Variants in SLC4A10 observed in about 807,000 individuals in gnomAD.
SLC4A10 encodes sodium-driven chloride bicarbonate exchanger.
SLC4A10 carries 42 observed loss-of-function variants against 137.7 expected under a neutral mutation model. The observed-to-expected ratio is 0.30, with a 90% CI of 0.24 to 0.39. The LOEUF (loss-of-function observed/expected upper bound fraction) is 0.39, where lower values mean the gene tolerates loss of function less well. Among genes scored for constraint, SLC4A10 ranks in the 10% least tolerant of loss-of-function variants. SLC4A10 has a pLI of 1.00. For synonymous variants in SLC4A10, 474 were observed against 464.1 expected (o/e 1.02, Z -0.27); for missense variants, 925 against 1,355.0 (o/e 0.68, Z 4.98).
intron 1 of SLC4A10, among the ~76,000 whole-genome samples, chr2:161,720,824 C>CT (rs375436761): frequency 0.081 from 11,733 of 145,044 alleles, 477 homozygotes; most frequent in East Asian, 0.14. Flanking sequence ...AGTCTTGACT[C>CT]TTTTTTTTTT....
At chr2:161,686,815 G>A (rs1308866913) in intron 1 of SLC4A10, among the ~76,000 whole-genome samples, 5 of 151,924 alleles carry the variant, frequency 3.3e-5, no homozygotes, top group Admixed American at 6.6e-5. Context: ...TGGTTAGTCC[G>A]TAGGCAGAGC....
intron 3 of SLC4A10, among the ~76,000 whole-genome samples, chr2:161,818,457 A>T (rs189551420): frequency 0.022 from 3,341 of 152,200 alleles, 124 homozygotes; most frequent in African/African-American, 0.075. Context: ...TTCCTAATTG[A>T]ATGCCCTTTA....
intron 3 of SLC4A10, among the ~76,000 whole-genome samples, chr2:161,828,772 A>ATATG: frequency 1.9e-5 from 1 of 52,634 alleles, no homozygotes; most frequent in East Asian, 6.0e-4. Flanking sequence ...TAATTCATAT[A>ATATG]TATATATATA....
chr2:161,904,772 A>G lies in SLC4A10; in HGVS notation c.1618-4A>G, dbSNP rs1389883408. The G allele has an allele frequency of 1.2e-6, 2 of 1,613,906 alleles. No individual in the cohort carries two copies. Among genetic ancestry groups the G allele is most frequent in the Admixed American group, 1.7e-5 (1 of 60,018 alleles). ...GTAATTGAACCATTTATATCTCTAC[A>G]CAGAGTGCAATTGAATCTCTCTTTG... On this transcript the variant is annotated splice_region_variant and splice_polypyrimidine_tract_variant and intron_variant, in intron 13 of 26. Coordinates refer to ENST00000446997, the MANE Select transcript of SLC4A10 (RefSeq NM_001178015.2).
intron 1 of SLC4A10, among the ~76,000 whole-genome samples, chr2:161,656,742 G>A (rs1464338891): frequency 6.6e-6 from 1 of 152,018 alleles, no homozygotes; most frequent in Non-Finnish European, 1.5e-5. Flanking sequence ...ATTGAACTTA[G>A]GCCTGAGAAT....
chr2:161,824,108 C>A (rs1212019890), intron 3 of SLC4A10, among the ~76,000 whole-genome samples: 5 of 152,186 alleles, frequency 3.3e-5, no homozygotes, highest in Non-Finnish European at 7.3e-5. Flanking sequence ...CAATGTTGGA[C>A]AATGCCTCTG....
At chr2:161,705,444 G>C (rs2043554041) in intron 1 of SLC4A10, among the ~76,000 whole-genome samples, 1 of 151,574 alleles carries the variant, frequency 6.6e-6, no homozygotes, top group Non-Finnish European at 1.5e-5. Context: ...TTTTTAAGAT[G>C]CTCATCTTTT....
At chr2:161,808,738 G>A (rs2056257274) in intron 3 of SLC4A10, among the ~76,000 whole-genome samples, 1 of 152,070 alleles carries the variant, frequency 6.6e-6, no homozygotes, top group Non-Finnish European at 1.5e-5. Context: ...TGCTGCAAAA[G>A]GATATGATGT....
chr2:161,630,519 T>C (rs1447353384), intron 1 of SLC4A10, among the ~76,000 whole-genome samples: 3 of 151,714 alleles, frequency 2.0e-5, no homozygotes, highest in Non-Finnish European at 4.4e-5. Flanking sequence ...TTACGGATGA[T>C]GGAACTGGAC....
intron 1 of SLC4A10, among the ~76,000 whole-genome samples, chr2:161,631,219 G>A (rs1472985705): frequency 5.3e-5 from 8 of 151,572 alleles, no homozygotes; most frequent in East Asian, 3.9e-4. Context: ...ATTACGTGGC[G>A]GTGATGGTTA....
intron 15 of SLC4A10, among the ~76,000 whole-genome samples, chr2:161,933,183 T>TTTCTTTCTTTC (rs1553631410): frequency 1.0e-5 from 1 of 97,620 alleles, no homozygotes; most frequent in Non-Finnish European, 2.1e-5. Flanking sequence ...CCCTTCCTTC[T>TTTCTTTCTTTC]TTTCTTTCTT....
chr2:161,883,190 G>T (rs2061947567), intron 10 of SLC4A10, among the ~76,000 whole-genome samples: 1 of 151,994 alleles, frequency 6.6e-6, no homozygotes, highest in Non-Finnish European at 1.5e-5. Flanking sequence ...CACAGAAGGG[G>T]CATTAAATCA....
chr2:161,625,729 T>C (rs2032206702), intron 1 of SLC4A10, among the ~76,000 whole-genome samples: 1 of 152,058 alleles, frequency 6.6e-6, no homozygotes, highest in Admixed American at 6.6e-5. Flanking sequence ...GATTCCAGTT[T>C]GCATCCCCGG....
At chr2:161,775,106 T>C (rs1487028780) in intron 2 of SLC4A10, among the ~76,000 whole-genome samples, 2 of 151,862 alleles carry the variant, frequency 1.3e-5, no homozygotes, top group Non-Finnish European at 2.9e-5. Flanking sequence ...TCTGCCGCTT[T>C]TAAAGGCCTA....
chr2:161,776,214 A>G (rs1000209264), intron 2 of SLC4A10, among the ~76,000 whole-genome samples: 1 of 151,928 alleles, frequency 6.6e-6, no homozygotes, highest in Non-Finnish European at 1.5e-5. Context: ...AAACTCTGCC[A>G]TTCCCCCTCA....
At chr2:161,782,755 T>A (rs1056356808) in intron 2 of SLC4A10, among the ~76,000 whole-genome samples, 2 of 146,192 alleles carry the variant, frequency 1.4e-5, no homozygotes, top group Non-Finnish European at 3.0e-5. Flanking sequence ...AAAGAAAGAA[T>A]CAGTGAACTT....
intron 15 of SLC4A10, among the ~76,000 whole-genome samples, chr2:161,909,982 G>GGT (rs1260034992): frequency 6.6e-6 from 1 of 151,952 alleles, no homozygotes; most frequent in Middle Eastern, 3.2e-3. Flanking sequence ...TTTATTATAA[G>GGT]GTACTATGCA....
intron 15 of SLC4A10, among the ~76,000 whole-genome samples, chr2:161,939,195 G>A (rs1474255934): frequency 6.6e-6 from 1 of 152,066 alleles, no homozygotes; most frequent in African/African-American, 2.4e-5. Flanking sequence ...TCCTGCCTCA[G>A]CCTCCTCAGT....
At chr2:161,646,458 T>C (rs1283563208) in intron 1 of SLC4A10, among the ~76,000 whole-genome samples, 3 of 152,034 alleles carry the variant, frequency 2.0e-5, no homozygotes, top group Non-Finnish European at 4.4e-5. Flanking sequence ...GTTTGAATTA[T>C]GCATCACAAA....
Sources: gnomAD v4.1 joint callset for allele counts (sites outside exome capture counted in the v4.1 genomes callset) on GRCh38, gnomAD v4.1.1 for gene constraint, MANE v1.5 for transcripts, NCBI Gene and HGNC (gene_info 2026-07-23, HGNC 2026-07-21) for gene names.